The following PRKG1 variants were observed in gnomAD, a reference collection of about 807,000 sequenced individuals.
PRKG1 encodes the protein cGMP-dependent protein kinase 1.
PRKG1 carries 35 observed loss-of-function variants against 88.1 expected under a neutral mutation model. That is an observed-to-expected ratio of 0.40 (90% CI 0.30 to 0.53). The LOEUF (loss-of-function observed/expected upper bound fraction) is 0.53. PRKG1 is among the 20% of genes least tolerant of loss of function. The pLI, the probability that PRKG1 is intolerant of heterozygous loss-of-function variation, is 0.59. For missense variants in PRKG1, 540 were observed against 839.8 expected, an observed-to-expected ratio of 0.64 and a Z score of 4.41; for synonymous variants, 303 against 292.5, an observed-to-expected ratio of 1.04 and a Z score of -0.37.
chr10:52,016,326 G>A (rs1055037801), intron 5 of PRKG1, among the ~76,000 whole-genome samples: 1 of 152,158 alleles, frequency 6.6e-6, no homozygotes, highest in African/African-American at 2.4e-5. Context: ...GGAGAGAGAG[G>A]ACAATGGGGA....
chr10:51,658,087 GA>G (rs1232385748), intron 3 of PRKG1, among the ~76,000 whole-genome samples: 2 of 152,126 alleles, frequency 1.3e-5, no homozygotes, highest in Non-Finnish European at 2.9e-5. Context: ...AAAGAAACAT[GA>G]GATCCTTGGA....
chr10:51,677,090 A>C (rs1267089438), intron 3 of PRKG1, among the ~76,000 whole-genome samples: 1 of 152,082 alleles, frequency 6.6e-6, no homozygotes, highest in African/African-American at 2.4e-5. Context: ...GACTTCTTAC[A>C]TTTCAGATGA....
At chr10:52,019,883 AGGGG>A (rs573741620) in intron 5 of PRKG1, among the ~76,000 whole-genome samples, 33 of 152,296 alleles carry the variant, frequency 2.2e-4, no homozygotes, top group Non-Finnish European at 1.0e-4. Flanking sequence ...AGCCTTAGGC[AGGGG>A]TTGAGCTTTA....
Position 51,698,955 on chromosome 10 carries a change from G to A in PRKG1, c.593-105630G>A, listed in dbSNP as rs1157852110. The A allele has an allele frequency of 3.1e-6, 5 of 1,614,250 alleles. No individual in the cohort carries two copies. The highest frequency in any genetic ancestry group is 3.4e-6 in the Non-Finnish European group (4 of 1,180,042). ...GACTGAGATTTGCCTGGGATCAGTG[G>A]TGTGACATGTATCTTCCGATGCAGA... On this transcript the variant is annotated intron_variant, in intron 3 of 17. Transcript: ENST00000373980.
chr10:51,129,464 GA>G (rs548137032), intron 1 of PRKG1, among the ~76,000 whole-genome samples: 5,541 of 136,926 alleles, frequency 0.04, 300 homozygotes, highest in African/African-American at 0.13. Flanking sequence ...AATAAACAAA[GA>G]AAAAAAAAAA....
At chr10:51,781,353 G>A (rs773531601) in intron 3 of PRKG1, among the ~76,000 whole-genome samples, 2 of 152,062 alleles carry the variant, frequency 1.3e-5, no homozygotes, top group African/African-American at 4.8e-5. Context: ...CAAAGCTTTC[G>A]TGTTATGTTG....
chr10:51,021,965 G>A (rs1156672081), intron 1 of PRKG1, among the ~76,000 whole-genome samples: 1 of 152,206 alleles, frequency 6.6e-6, no homozygotes, highest in Non-Finnish European at 1.5e-5. Flanking sequence ...ACAGGTGTGA[G>A]CCACTGCGCC....
chr10:51,876,796 C>T (rs1463332559), intron 4 of PRKG1, among the ~76,000 whole-genome samples: 4 of 152,086 alleles, frequency 2.6e-5, no homozygotes, highest in African/African-American at 9.7e-5. Flanking sequence ...CAGAGACCAG[C>T]GAGAACTTGT....
At chr10:51,729,540 C>G (rs1842220684) in intron 3 of PRKG1, among the ~76,000 whole-genome samples, 1 of 151,510 alleles carries the variant, frequency 6.6e-6, no homozygotes, top group African/African-American at 2.4e-5. Context: ...AACCCTGTCT[C>G]TACTAAAAAT....
intron 2 of PRKG1, among the ~76,000 whole-genome samples, chr10:51,287,048 TA>T (rs1286772173): frequency 1.3e-5 from 2 of 152,132 alleles, no homozygotes; most frequent in Admixed American, 1.3e-4. Context: ...TTGCTAACTT[TA>T]ATATTTTTTG....
intron 3 of PRKG1, among the ~76,000 whole-genome samples, chr10:51,548,960 G>A (rs1352488367): frequency 3.3e-5 from 5 of 151,788 alleles, no homozygotes; most frequent in Non-Finnish European, 7.4e-5. Context: ...CTTTCTTAGT[G>A]AATTTTACTT....
chr10:51,739,843 C>T (rs1837386433), intron 3 of PRKG1, among the ~76,000 whole-genome samples: 1 of 152,110 alleles, frequency 6.6e-6, no homozygotes, highest in Non-Finnish European at 1.5e-5. Flanking sequence ...CGTGGTGGCG[C>T]ATGCCTGTAG....
chr10:51,520,950 G>A (rs1267744389), intron 3 of PRKG1, among the ~76,000 whole-genome samples: 2 of 152,206 alleles, frequency 1.3e-5, no homozygotes, highest in Non-Finnish European at 2.9e-5. Context: ...TTAATCAGAA[G>A]CTCAGTGTGT....
At chr10:51,248,782 T>C (rs980301572) in intron 2 of PRKG1, among the ~76,000 whole-genome samples, 57 of 151,212 alleles carry the variant, frequency 3.8e-4, no homozygotes, top group African/African-American at 1.4e-3. Context: ...CTATGTCATG[T>C]AGATGGCTAC....
At chr10:51,292,867 C>G (rs539561536) in intron 2 of PRKG1, among the ~76,000 whole-genome samples, 77 of 151,926 alleles carry the variant, frequency 5.1e-4, no homozygotes, top group African/African-American at 1.9e-3. Context: ...TGGTTTACAC[C>G]CAATCCCATT....
chr10:51,304,675 T>G (rs1840987754), intron 2 of PRKG1, among the ~76,000 whole-genome samples: 1 of 124,834 alleles, frequency 8.0e-6, no homozygotes, highest in Non-Finnish European at 1.6e-5. Context: ...GATGTTCCCC[T>G]TCCTGTGTCC....
intron 1 of PRKG1, chr10:51,062,526 T>C (rs1313035318): frequency 6.6e-6 from 1 of 152,146 alleles, no homozygotes; most frequent in Non-Finnish European, 1.5e-5. Flanking sequence ...GGTGGGAGGG[T>C]TGATTATCAG....
At chr10:51,066,647 T>C (rs968668259) in intron 1 of PRKG1, among the ~76,000 whole-genome samples, 16 of 152,158 alleles carry the variant, frequency 1.1e-4, no homozygotes, top group Admixed American at 4.6e-4. Flanking sequence ...TTAAACAATG[T>C]ATATATTTAC....
chr10:52,276,791 T>C (rs1841884024), intron 12 of PRKG1, among the ~76,000 whole-genome samples: 1 of 152,212 alleles, frequency 6.6e-6, no homozygotes. Context: ...CCAATTCTAA[T>C]AGTAATTTTT....
Sources: gnomAD v4.1 joint callset for allele counts (sites outside exome capture counted in the v4.1 genomes callset) on GRCh38, gnomAD v4.1.1 for gene constraint, MANE v1.5 for transcripts, NCBI Gene and HGNC (gene_info 2026-07-23, HGNC 2026-07-21) for gene names.